Variants in CAST observed in about 807,000 individuals in gnomAD.
The protein encoded by CAST is calpastatin, also known as MIR583 host.
In CAST, 76 loss-of-function variants were observed where a neutral mutation model predicts 119.6. That is an observed-to-expected ratio of 0.64 (90% confidence interval 0.53 to 0.77). The LOEUF is 0.77. CAST is among the 30% of genes least tolerant of loss of function. The pLI, the probability that CAST is intolerant of heterozygous loss-of-function variation, is 0.00. For missense variants in CAST, 953 were observed against 946.5 expected (o/e 1.01, Z -0.09); for synonymous variants, 319 against 331.6 (o/e 0.96, Z 0.41).
chr5:96,117,023 A>C, the CAST span, among the ~76,000 whole-genome samples: 2 of 152,130 alleles, frequency 1.3e-5, no homozygotes, highest in Non-Finnish European at 2.9e-5. Flanking sequence ...TGGCTTGCTC[A>C]TGTCTTGGTC....
At chr5:96,505,452 C>T in the CAST span, among the ~76,000 whole-genome samples, 1 of 151,972 alleles carries the variant, frequency 6.6e-6, no homozygotes, top group Non-Finnish European at 1.5e-5. Context: ...GCACTCCAGC[C>T]TGGGCAACAG....
chr5:96,773,728 TATC>T lies in CAST; in HGVS notation c.*1116_*1118del, dbSNP rs1773273767. ...GAATAGTTCCTGAACATTGCACTGATATCATCGATTAGAATTTTGATATTTAAT... is the reference window on the plus strand; with the variant it reads ...GAATAGTTCCTGAACATTGCACTGATATCGATTAGAATTTTGATATTTAAT... On this transcript the variant is annotated 3_prime_UTR_variant, in exon 32 of 32. Transcript: ENST00000675179. The T allele has an allele frequency of 6.6e-6, 1 of 152,362 alleles. No homozygotes were observed. The highest frequency in any genetic ancestry group is 6.5e-5 in the Admixed American group (1 of 15,282). 9.4% of individuals were successfully genotyped at this position (152,362 alleles called of 1,614,324 possible). A position where few individuals can be genotyped will look rare whatever the true frequency, so the allele number is the denominator to read the frequency against.
intron 1 of CAST, among the ~76,000 whole-genome samples, chr5:96,548,931 C>T (rs1401503253): frequency 6.6e-6 from 1 of 152,166 alleles, no homozygotes; most frequent in Non-Finnish European, 1.5e-5. Flanking sequence ...GGCAAGGAAG[C>T]AAGGACCAGG....
At chr5:96,612,360 A>G (rs559664332) in intron 1 of CAST, among the ~76,000 whole-genome samples, 3 of 152,316 alleles carry the variant, frequency 2.0e-5, no homozygotes, top group Admixed American at 2.0e-4. Flanking sequence ...TATTCTCATT[A>G]TAAGTGAGAG....
chr5:96,309,612 T>C, the CAST span, among the ~76,000 whole-genome samples: 1 of 152,198 alleles, frequency 6.6e-6, no homozygotes, highest in Non-Finnish European at 1.5e-5. Context: ...CCTGGTCTGC[T>C]GGTTAGGAAG....
chr5:95,982,856 A>G, the CAST span, among the ~76,000 whole-genome samples: 1 of 152,232 alleles, frequency 6.6e-6, no homozygotes, highest in African/African-American at 2.4e-5. Context: ...AGTTTTAAAA[A>G]ATTAATTTAT....
the CAST span, among the ~76,000 whole-genome samples, chr5:96,462,799 A>T: frequency 6.6e-6 from 1 of 152,056 alleles, no homozygotes; most frequent in Admixed American, 6.6e-5. Flanking sequence ...AGTTTCCTCC[A>T]TGCTGTTATC....
chr5:96,555,790 C>G (rs915726652), intron 1 of CAST, among the ~76,000 whole-genome samples: 1 of 152,228 alleles, frequency 6.6e-6, no homozygotes. Context: ...GTAGACTCCA[C>G]CTCTAGGGGC....
chr5:96,570,230 T>G (rs1746545642), intron 1 of CAST, among the ~76,000 whole-genome samples: 1 of 152,130 alleles, frequency 6.6e-6, no homozygotes, highest in Admixed American at 6.5e-5. Context: ...CTGGGCAGAG[T>G]AGGCACTCAA....
chr5:96,529,796 T>C (rs13186522), upstream of CAST: 240,600 of 428,218 alleles, frequency 0.56, 69,041 homozygotes, highest in Middle Eastern at 0.61. Flanking sequence ...TTGCTGGGCA[T>C]TCATTCTGTC....
chr5:96,234,875 ATAAAT>A, the CAST span, among the ~76,000 whole-genome samples: 11 of 152,052 alleles, frequency 7.2e-5, no homozygotes, highest in East Asian at 1.2e-3. Flanking sequence ...TTTACATAAA[ATAAAT>A]TACATATGTA....
chr5:96,551,632 T>A (rs1167874418), intron 1 of CAST, among the ~76,000 whole-genome samples: 1 of 151,718 alleles, frequency 6.6e-6, no homozygotes, highest in African/African-American at 2.4e-5. Flanking sequence ...GCAAATTGGA[T>A]AAAGAGTCAA....
At chr5:96,398,952 C>T in the CAST span, 2 of 1,612,412 alleles carry the variant, frequency 1.2e-6, no homozygotes, top group Non-Finnish European at 1.7e-6. Flanking sequence ...ATTGTACATG[C>T]TCCAGGGACT....
At chr5:96,040,384 C>A in the CAST span, among the ~76,000 whole-genome samples, 1 of 152,116 alleles carries the variant, frequency 6.6e-6, no homozygotes, top group Non-Finnish European at 1.5e-5. Context: ...TGCCTGACTG[C>A]CCTGGCCAGG....
intron 1 of CAST, among the ~76,000 whole-genome samples, chr5:96,634,966 A>G (rs185502651): frequency 4.6e-5 from 7 of 152,356 alleles, no homozygotes; most frequent in African/African-American, 1.7e-4. Flanking sequence ...AAGAATCACA[A>G]ACAACGTAAT....
At chr5:96,202,597 C>T in the CAST span, among the ~76,000 whole-genome samples, 1 of 151,948 alleles carries the variant, frequency 6.6e-6, no homozygotes, top group Non-Finnish European at 1.5e-5. Context: ...TTTCTGAAGA[C>T]AAAATTATTA....
chr5:96,493,957 C>A, the CAST span, among the ~76,000 whole-genome samples: 5 of 152,150 alleles, frequency 3.3e-5, no homozygotes, highest in African/African-American at 1.2e-4. Flanking sequence ...ATCGCTTGAA[C>A]CTGGGAGGCA....
the CAST span, among the ~76,000 whole-genome samples, chr5:96,271,445 C>T: frequency 6.6e-6 from 1 of 152,014 alleles, no homozygotes; most frequent in Non-Finnish European, 1.5e-5. Flanking sequence ...GATATAAATC[C>T]ATGCATTTAC....
Position 96,663,127 on chromosome 5 carries a change from G to T in CAST, c.75+630G>T, listed in dbSNP as rs940712141. Reference sequence around the variant, plus strand: ...CCCGCCGTGCGGATCGGAGCCAGCCGGTTGTTGCCATGGCATTCGCCAGCT... The same window carrying T: ...CCCGCCGTGCGGATCGGAGCCAGCCTGTTGTTGCCATGGCATTCGCCAGCT... On this transcript the variant is annotated intron_variant, in intron 1 of 31. Transcript: ENST00000675179. The T allele has an allele frequency of 4.3e-6, 3 of 702,464 alleles. No homozygotes were observed. The African/African-American group carries it at 5.2e-5, about 12-fold the overall frequency. The allele number at this position is 702,464 out of a possible 1,614,324, so 43.5% of individuals were successfully genotyped here.
Sources: allele counts gnomAD v4.1 joint callset (sites outside exome capture counted in the v4.1 genomes callset), GRCh38; gene constraint gnomAD v4.1.1; transcripts MANE v1.5; gene names NCBI Gene and HGNC (gene_info 2026-07-23, HGNC 2026-07-21).